Variants in WASHC3 observed in about 807,000 individuals in gnomAD.
WASHC3 encodes WASH complex subunit CCDC53.
Under a neutral mutation model 26.1 loss-of-function variants are expected in WASHC3, and 24 were observed. That is an observed-to-expected ratio of 0.92 (90% CI 0.66 to 1.29). The LOEUF (loss-of-function observed/expected upper bound fraction) is 1.29. Among genes scored for constraint, WASHC3 ranks in the 50% most tolerant of loss-of-function variants. The pLI, the probability that WASHC3 is intolerant of heterozygous loss-of-function variation, is 0.00. For synonymous variants in WASHC3, 77 were observed against 75.7 expected (o/e 1.02, Z -0.09); for missense variants, 214 against 229.6 (o/e 0.93, Z 0.44).
At chr12:102,030,317 T>C (rs1276512991) in intron 5 of WASHC3, among the ~76,000 whole-genome samples, 1 of 148,634 alleles carries the variant, frequency 6.7e-6, no homozygotes, top group South Asian at 2.1e-4. Context: ...AAAAAAATTA[T>C]TGTATTTTAT....
chr12:102,034,087 G>T (rs1877549517), intron 5 of WASHC3, among the ~76,000 whole-genome samples: 1 of 152,066 alleles, frequency 6.6e-6, no homozygotes, highest in South Asian at 2.1e-4. Context: ...CTGTAATGAA[G>T]TCACCCTCTA....
At chr12:102,019,018 C>G (rs940837218) in intron 6 of WASHC3, among the ~76,000 whole-genome samples, 1 of 151,884 alleles carries the variant, frequency 6.6e-6, no homozygotes, top group Non-Finnish European at 1.5e-5. Flanking sequence ...AGGCTGGTCT[C>G]GAATTCCTGA....
intron 4 of WASHC3, among the ~76,000 whole-genome samples, chr12:102,041,502 G>A (rs1243030906): frequency 1.3e-5 from 2 of 151,998 alleles, no homozygotes; most frequent in African/African-American, 2.4e-5. Flanking sequence ...AATTAAAGTT[G>A]CAGAAAAATC....
At chr12:102,046,141 C>CAT in intron 2 of WASHC3, 22 bp from the exon 3 acceptor site, 2 of 1,414,746 alleles carry the variant, frequency 1.4e-6, no homozygotes, top group South Asian at 2.5e-5. Context: ...AAATTAGAGA[C>CAT]ATAAAGACTT....
intron 2 of WASHC3, among the ~76,000 whole-genome samples, chr12:102,056,903 C>T (rs988505030): frequency 3.3e-5 from 5 of 152,096 alleles, no homozygotes; most frequent in African/African-American, 4.8e-5. Flanking sequence ...GGGAAACTTT[C>T]GAACTCAATT....
intron 2 of WASHC3, among the ~76,000 whole-genome samples, chr12:102,055,825 G>A (rs918591681): frequency 2.6e-5 from 4 of 152,044 alleles, no homozygotes; most frequent in Admixed American, 2.0e-4. Flanking sequence ...TGGTTGAGTT[G>A]GTGCCACAGA....
At chr12:102,025,662 C>A (rs1594351761) in intron 6 of WASHC3, among the ~76,000 whole-genome samples, 5 of 100,508 alleles carry the variant, frequency 5.0e-5, no homozygotes, top group South Asian at 3.2e-4. Context: ...ACAATCAAGC[C>A]AAGAAAGAGG....
chr12:102,042,230 CT>C (rs1877967880), intron 4 of WASHC3, among the ~76,000 whole-genome samples: 1 of 152,042 alleles, frequency 6.6e-6, no homozygotes, highest in African/African-American at 2.4e-5. Context: ...TGGATATCCT[CT>C]TGCACATTTT....
chr12:102,056,159 G>A lies in WASHC3; in HGVS notation c.150+5089C>T, dbSNP rs372318599. Reference sequence around the variant, plus strand: ...TAAAGATTGTAAGTTTATTTTTACAGTCTACTCTTAAATATTACTGTTGAG... The same window carrying A: ...TAAAGATTGTAAGTTTATTTTTACAATCTACTCTTAAATATTACTGTTGAG... On this transcript the variant is annotated intron_variant, in intron 2 of 6. Coordinates refer to ENST00000240079, the MANE Select transcript of WASHC3 (RefSeq NM_016053.4). Among the ~76,000 whole-genome samples the A allele has an allele frequency of 2.6e-5, 4 of 152,126 alleles. No individual in the cohort carries two copies. The East Asian group carries it at 7.7e-4, about 29-fold the overall frequency.
chr12:102,036,865 A>C lies in WASHC3; in HGVS notation c.435+3003T>G, dbSNP rs553530074. ...ATTGAACCCCTAATCATACTCAGTG[A>C]CATCAAGCAAAAAGGATGGGCTAGA... On this transcript the variant is annotated intron_variant, in intron 5 of 6. Coordinates refer to ENST00000240079, the MANE Select transcript of WASHC3 (RefSeq NM_016053.4). 2.4e-3 allele frequency among the ~76,000 whole-genome samples: 364 copies of C among 152,340 alleles called. 1 individual carries two copies. The highest frequency in any genetic ancestry group is 8.6e-3 in the African/African-American group (359 of 41,588).
chr12:102,041,551 A>G (rs1000015909), intron 4 of WASHC3, among the ~76,000 whole-genome samples: 1 of 152,080 alleles, frequency 6.6e-6, no homozygotes, highest in East Asian at 1.9e-4. Flanking sequence ...TGTATAGATT[A>G]GAGAGAGTGA....
In WASHC3 at chr12:102,041,132, C is replaced by T. The variant is rs1877920796; in HGVS notation, c.325-1154G>A. 3.3e-5 allele frequency among the ~76,000 whole-genome samples: 5 copies of T among 151,736 alleles called. No homozygotes were observed. In the South Asian group the frequency reaches 1.0e-3, roughly 31 times the overall value. ...ATATATACATATATATACACACACA[C>T]ACACACATATTCATCTATAATACAA... On this transcript the variant is annotated intron_variant, in intron 4 of 6. Transcript: ENST00000240079.
intron 5 of WASHC3, among the ~76,000 whole-genome samples, chr12:102,036,918 A>C (rs1372337913): frequency 6.6e-6 from 1 of 152,222 alleles, no homozygotes; most frequent in Non-Finnish European, 1.5e-5. Context: ...GCTAGAAAAA[A>C]GTTAAGGCTT....
chr12:102,044,876 T>C (rs1169102154), intron 3 of WASHC3, among the ~76,000 whole-genome samples: 1 of 152,200 alleles, frequency 6.6e-6, no homozygotes, highest in Non-Finnish European at 1.5e-5. Context: ...GCGAGACCCA[T>C]ACAAACCTTC....
rs1470424481 is a variant in WASHC3, at chr12:102,013,089, A to G, written c.*19T>C. The G allele has an allele frequency of 8.6e-7, 1 of 1,156,418 alleles. No homozygotes were observed. The highest frequency in any genetic ancestry group is 2.5e-5 in the East Asian group (1 of 39,478). 71.6% of individuals were successfully genotyped at this position (1,156,418 alleles called of 1,614,324 possible). A position where few individuals can be genotyped will look rare whatever the true frequency, so the allele number is the denominator to read the frequency against. On this transcript the variant is annotated 3_prime_UTR_variant, in exon 7 of 7. Coordinates refer to ENST00000240079, the MANE Select transcript of WASHC3 (RefSeq NM_016053.4). ...ATGTACCCCTATGCATGCATATGTA[A>G]TTCTTATCAAAATTAAGCTTAATCA... is the stretch of plus-strand genomic sequence containing the variant.
chr12:102,021,243 T>G (rs1876943994), intron 6 of WASHC3, among the ~76,000 whole-genome samples: 1 of 152,228 alleles, frequency 6.6e-6, no homozygotes, highest in Admixed American at 6.5e-5. Context: ...ATTTGGTCTT[T>G]TCTCTTTTGA....
chr12:102,048,523 C>G (rs1878255443), intron 2 of WASHC3: 1 of 151,922 alleles, frequency 6.6e-6, no homozygotes, highest in African/African-American at 2.4e-5. Context: ...TGAGATCACG[C>G]CACTGCATTC....
At chr12:102,044,648 C>T (rs1186412021) in intron 3 of WASHC3, among the ~76,000 whole-genome samples, 1 of 152,038 alleles carries the variant, frequency 6.6e-6, no homozygotes, top group Non-Finnish European at 1.5e-5. Context: ...GGGCTTTGTG[C>T]AAATTTTGAG....
chr12:102,045,853 A>G (rs189100623), intron 3 of WASHC3, among the ~76,000 whole-genome samples: 1 of 152,378 alleles, frequency 6.6e-6, no homozygotes, highest in Admixed American at 6.5e-5. Flanking sequence ...ATCGCAAACC[A>G]TGTGTACATT....
Sources: allele counts gnomAD v4.1 joint callset (sites outside exome capture counted in the v4.1 genomes callset), GRCh38; gene constraint gnomAD v4.1.1; transcripts MANE v1.5; gene names NCBI Gene and HGNC (gene_info 2026-07-23, HGNC 2026-07-21).